The following ETV6 variants were observed in gnomAD, a reference collection of about 807,000 sequenced individuals.
ETV6 encodes the protein ETS variant transcription factor 6.
In ETV6, 16 loss-of-function variants were observed where a neutral mutation model predicts 51.1. That is an observed-to-expected ratio of 0.31 (90% CI 0.21 to 0.48). The LOEUF (loss-of-function observed/expected upper bound fraction) is 0.48. Among genes scored for constraint, ETV6 ranks in the 20% least tolerant of loss-of-function variants. The probability of loss-of-function intolerance (pLI) is 0.99; values close to 1 mark genes in which losing one functional copy is unlikely to be tolerated. For missense variants in ETV6, 458 were observed against 594.8 expected (o/e 0.77, Z 2.39); for synonymous variants, 240 against 224.1 (o/e 1.07, Z -0.64).
intron 2 of ETV6, among the ~76,000 whole-genome samples, chr12:11,790,895 G>C (rs973339341): frequency 1.3e-5 from 2 of 151,902 alleles, no homozygotes; most frequent in African/African-American, 2.4e-5. Flanking sequence ...CCAGCATGTG[G>C]GTCTGGAACC....
chr12:11,675,916 A>G (rs958268008), intron 1 of ETV6, among the ~76,000 whole-genome samples: 17 of 152,078 alleles, frequency 1.1e-4, no homozygotes, highest in African/African-American at 3.9e-4. Context: ...AGGGAGAGAA[A>G]TTGATGCAGG....
At chr12:11,709,465 A>G (rs143751331) in intron 1 of ETV6, among the ~76,000 whole-genome samples, 141 of 152,106 alleles carry the variant, frequency 9.3e-4, no homozygotes, top group African/African-American at 3.3e-3. Flanking sequence ...TAACCTCCCA[A>G]TAGCTGAGAA....
chr12:11,730,980 C>T (rs1865584604), intron 1 of ETV6, among the ~76,000 whole-genome samples: 1 of 152,206 alleles, frequency 6.6e-6, no homozygotes. Flanking sequence ...TTCACATCCC[C>T]TCTACCCGAT....
intron 2 of ETV6, among the ~76,000 whole-genome samples, chr12:11,794,715 A>G (rs1054357783): frequency 2.0e-5 from 3 of 152,128 alleles, no homozygotes; most frequent in Non-Finnish European, 4.4e-5. Context: ...ATTTGTGGGG[A>G]TTAGTAGAAG....
At chr12:11,784,222 G>C (rs1442815188) in intron 2 of ETV6, among the ~76,000 whole-genome samples, 3 of 152,262 alleles carry the variant, frequency 2.0e-5, no homozygotes, top group African/African-American at 7.2e-5. Flanking sequence ...TTGAGATCAG[G>C]AGTTCGAGAC....
At chr12:11,791,065 T>C (rs1332780191) in intron 2 of ETV6, among the ~76,000 whole-genome samples, 1 of 152,180 alleles carries the variant, frequency 6.6e-6, no homozygotes, top group African/African-American at 2.4e-5. Flanking sequence ...GTGACACCAG[T>C]CCCCAATCCT....
At position 11,821,504 on chromosome 12, in the gene ETV6, G is replaced by A. The variant is rs190137098; in HGVS notation, c.164-17636G>A. 2.4e-3 allele frequency among the ~76,000 whole-genome samples: 364 copies of A among 152,172 alleles called. 2 individuals carry two copies. Among genetic ancestry groups the A allele is most frequent in the African/African-American group, 7.9e-3 (326 of 41,524 alleles). ...TTAGATGAGTGACATCTGGAGGTTG[G>A]TTGGCCTCATTAAGCCTAACGTGCC... On this transcript the variant is annotated intron_variant, in intron 2 of 7. Transcript: ENST00000396373.
At chr12:11,700,214 G>GA (rs1445340757) in intron 1 of ETV6, among the ~76,000 whole-genome samples, 13 of 152,146 alleles carry the variant, frequency 8.5e-5, no homozygotes, top group Admixed American at 7.9e-4. Flanking sequence ...CCTCACGCAG[G>GA]AAAAATATCT....
chr12:11,788,757 T>G (rs78990083), intron 2 of ETV6, among the ~76,000 whole-genome samples: 1 of 92,920 alleles, frequency 1.1e-5, no homozygotes, highest in Non-Finnish European at 2.1e-5. Flanking sequence ...CTTGTATTGG[T>G]TTTTTTTTTT....
chr12:11,851,908 A>G (rs1283433456), intron 3 of ETV6, among the ~76,000 whole-genome samples: 1 of 152,262 alleles, frequency 6.6e-6, no homozygotes. Flanking sequence ...TCTCAGGTCC[A>G]TGCTGAGCTT....
intron 2 of ETV6, among the ~76,000 whole-genome samples, chr12:11,813,072 G>T (rs1212765307): frequency 2.0e-5 from 3 of 152,232 alleles, no homozygotes; most frequent in Non-Finnish European, 4.4e-5. Context: ...GTGCTGTGTG[G>T]CTACTTAGCC....
intron 2 of ETV6, among the ~76,000 whole-genome samples, chr12:11,758,144 T>C (rs1320841889): frequency 1.3e-5 from 2 of 152,200 alleles, no homozygotes; most frequent in African/African-American, 4.8e-5. Context: ...TAGAAAGGGC[T>C]TGGGTCTGGA....
chr12:11,803,365 T>C (rs954206747), intron 2 of ETV6, among the ~76,000 whole-genome samples: 1 of 152,190 alleles, frequency 6.6e-6, no homozygotes, highest in African/African-American at 2.4e-5. Flanking sequence ...GACCATAATA[T>C]TTTATAATTT....
At chr12:11,813,422 C>G (rs1234307846) in intron 2 of ETV6, among the ~76,000 whole-genome samples, 1 of 152,156 alleles carries the variant, frequency 6.6e-6, no homozygotes, top group Non-Finnish European at 1.5e-5. Flanking sequence ...GGTAATGTGG[C>G]CACGACTCAG....
chr12:11,739,623 T>C (rs1295081528), intron 1 of ETV6, among the ~76,000 whole-genome samples: 2 of 152,206 alleles, frequency 1.3e-5, no homozygotes, highest in East Asian at 1.9e-4. Context: ...TGTGCTCTAA[T>C]GGAAACTAGA....
intron 1 of ETV6, among the ~76,000 whole-genome samples, chr12:11,677,750 C>T (rs1307136223): frequency 6.6e-6 from 1 of 152,226 alleles, no homozygotes; most frequent in Non-Finnish European, 1.5e-5. Context: ...TACTGGACCT[C>T]TTTAAACTTC....
At chr12:11,845,489 C>G (rs951853371) in intron 3 of ETV6, among the ~76,000 whole-genome samples, 1 of 152,108 alleles carries the variant, frequency 6.6e-6, no homozygotes, top group South Asian at 2.1e-4. Context: ...CAGATTTATT[C>G]TTGTCTTAAA....
At position 11,651,372 on chromosome 12, in the gene ETV6, C is replaced by T. The variant is rs563241698; in HGVS notation, c.33+1212C>T. ...TCTGTGTAGGGGAAACGCAGTAGTTCATCATACGTGCTTACTAGGTTTTTT... is the reference window on the plus strand; with the variant it reads ...TCTGTGTAGGGGAAACGCAGTAGTTTATCATACGTGCTTACTAGGTTTTTT... On this transcript the variant is annotated intron_variant, in intron 1 of 7. Transcript: ENST00000396373. 7.2e-5 allele frequency among the ~76,000 whole-genome samples: 11 copies of T among 152,298 alleles called. No individual in the cohort carries two copies. In the East Asian group the frequency reaches 1.5e-3, roughly 21 times the overall value.
chr12:11,742,804 T>TG (rs1865834639), intron 1 of ETV6, among the ~76,000 whole-genome samples: 1 of 36,446 alleles, frequency 2.7e-5, no homozygotes, highest in African/African-American at 5.4e-5. Context: ...TTTCTTTCTT[T>TG]CTTTTTTTTT....
Sources: gnomAD v4.1 joint callset for allele counts (sites outside exome capture counted in the v4.1 genomes callset) on GRCh38, gnomAD v4.1.1 for gene constraint, MANE v1.5 for transcripts, NCBI Gene and HGNC (gene_info 2026-07-23, HGNC 2026-07-21) for gene names.